Variants in SH3GL3 observed in about 807,000 individuals in gnomAD.
SH3GL3 encodes the protein endophilin-A3.
SH3GL3 carries 33 observed loss-of-function variants against 47.7 expected under a neutral mutation model. The observed-to-expected ratio is 0.69, with a 90% confidence interval of 0.52 to 0.92. SH3GL3 has a LOEUF of 0.92. SH3GL3 is among the 40% of genes least tolerant of loss of function. The pLI is 0.00. For missense variants in SH3GL3, 363 were observed against 417.8 expected (o/e 0.87, Z 1.14); for synonymous variants, 155 against 148.8 (o/e 1.04, Z -0.30).
At chr15:83,584,679 G>A (rs2059914086) in intron 6 of SH3GL3, among the ~76,000 whole-genome samples, 2 of 152,172 alleles carry the variant, frequency 1.3e-5, no homozygotes, top group South Asian at 4.1e-4. Flanking sequence ...TTCAGAAAAG[G>A]GAGTGGATTC....
At chr15:83,525,874 G>A (rs1459626594) in intron 1 of SH3GL3, among the ~76,000 whole-genome samples, 1 of 152,070 alleles carries the variant, frequency 6.6e-6, no homozygotes, top group African/African-American at 2.4e-5. Context: ...GTGTTCTGTT[G>A]GTCTGTGTGA....
intron 1 of SH3GL3, among the ~76,000 whole-genome samples, chr15:83,552,831 GT>G (rs1339578524): frequency 6.6e-6 from 1 of 152,084 alleles, no homozygotes; most frequent in Non-Finnish European, 1.5e-5. Flanking sequence ...GGGTTTATCA[GT>G]TTCACTATTT....
intron 6 of SH3GL3, among the ~76,000 whole-genome samples, chr15:83,583,261 A>G (rs1314716727): frequency 5.9e-5 from 9 of 152,164 alleles, no homozygotes; most frequent in Non-Finnish European, 8.8e-5. Flanking sequence ...CATGGGCTTC[A>G]GGGTGTGCTA....
At chr15:83,577,930 G>A (rs910021879) in intron 6 of SH3GL3, among the ~76,000 whole-genome samples, 1 of 152,202 alleles carries the variant, frequency 6.6e-6, no homozygotes, top group African/African-American at 2.4e-5. Flanking sequence ...GCGGACAGCC[G>A]CTGTCATCCC....
chr15:83,461,805 A>G (rs954942789), intron 1 of SH3GL3, among the ~76,000 whole-genome samples: 11 of 152,310 alleles, frequency 7.2e-5, no homozygotes, highest in African/African-American at 2.6e-4. Flanking sequence ...AAAAAAGTTC[A>G]ATCTGAGATT....
At chr15:83,516,989 A>C (rs1017510481) in intron 1 of SH3GL3, among the ~76,000 whole-genome samples, 1 of 151,922 alleles carries the variant, frequency 6.6e-6, no homozygotes, top group African/African-American at 2.4e-5. Flanking sequence ...TTGTATAACT[A>C]TACCATACTT....
chr15:83,494,380 A>G (rs1465155070), intron 1 of SH3GL3, among the ~76,000 whole-genome samples: 1 of 152,154 alleles, frequency 6.6e-6, no homozygotes, highest in Non-Finnish European at 1.5e-5. Flanking sequence ...CTCTGCACAT[A>G]CATAGGAATT....
intron 1 of SH3GL3, among the ~76,000 whole-genome samples, chr15:83,466,502 G>T (rs1227916310): frequency 6.6e-6 from 1 of 152,030 alleles, no homozygotes; most frequent in Non-Finnish European, 1.5e-5. Context: ...CCCAACTGGA[G>T]ATATATGTAT....
At chr15:83,496,262 G>A (rs751723601) in intron 1 of SH3GL3, among the ~76,000 whole-genome samples, 1 of 151,682 alleles carries the variant, frequency 6.6e-6, no homozygotes, top group African/African-American at 2.4e-5. Context: ...GGGAGGCTGA[G>A]GTGGGAGAAT....
downstream of SH3GL3, among the ~76,000 whole-genome samples, chr15:83,621,012 C>T (rs1255543332): frequency 6.6e-6 from 1 of 152,188 alleles, no homozygotes; most frequent in Non-Finnish European, 1.5e-5. Flanking sequence ...ATGAACCCAC[C>T]CCTGCTAGCC....
chr15:83,505,617 TC>T (rs1172599395), intron 1 of SH3GL3, among the ~76,000 whole-genome samples: 1 of 145,592 alleles, frequency 6.9e-6, no homozygotes, highest in African/African-American at 2.5e-5. Flanking sequence ...AACCTCTACC[TC>T]CTAAGTTCAA....
chr15:83,557,864 T>C (rs1027909671), intron 1 of SH3GL3, among the ~76,000 whole-genome samples: 1 of 152,238 alleles, frequency 6.6e-6, no homozygotes, highest in South Asian at 2.1e-4. Context: ...TCGGAGGAAC[T>C]GTAAAGACGC....
At position 83,476,910 on chromosome 15, in the gene SH3GL3, T is replaced by A. The variant is rs556318011; in HGVS notation, c.45+29332T>A. The stretch of plus-strand genomic sequence containing the variant: ...GATAGAACACTAGAAGCGTTTTGTC[T>A]GAATATGCAGTTTGGTTGTGCATTT... On this transcript the variant is annotated intron_variant, in intron 1 of 8. Transcript: ENST00000427482. Among the ~76,000 whole-genome samples the A allele has an allele frequency of 1.9e-4, 29 of 152,378 alleles. 1 individual carries two copies. In the South Asian group the frequency reaches 4.8e-3, roughly 25 times the overall value.
At position 83,523,033 on chromosome 15, in the gene SH3GL3, A is replaced by G. The variant is rs7163272; in HGVS notation, c.46-36220A>G. ...AGCCAGTTTCTAAAGTAAATTTAAAATGTCTTCAATTATAAAAAATAGATT... is the reference window on the plus strand; with the variant it reads ...AGCCAGTTTCTAAAGTAAATTTAAAGTGTCTTCAATTATAAAAAATAGATT... On this transcript the variant is annotated intron_variant, in intron 1 of 8. Transcript: ENST00000427482. 7.4e-3 allele frequency among the ~76,000 whole-genome samples: 1,135 copies of G among 152,354 alleles called. 11 individuals carry two copies. Among genetic ancestry groups the G allele is most frequent in the African/African-American group, 0.026 (1,070 of 41,584 alleles).
intron 2 of SH3GL3, among the ~76,000 whole-genome samples, chr15:83,563,064 C>T (rs11853873): frequency 0.018 from 2,715 of 152,238 alleles, 88 homozygotes; most frequent in African/African-American, 0.062. Context: ...ATGTATTTAC[C>T]TAAGGGGAAC....
At chr15:83,597,844 G>A (rs1034961538) in intron 8 of SH3GL3, among the ~76,000 whole-genome samples, 3 of 152,090 alleles carry the variant, frequency 2.0e-5, no homozygotes, top group African/African-American at 4.8e-5. Flanking sequence ...TCCTGACCTC[G>A]TGATCTGCCC....
chr15:83,618,078 A>AC lies in SH3GL3; in HGVS notation c.839-3dup, dbSNP rs2060876631. The AC allele has an allele frequency of 6.3e-7, 1 of 1,599,362 alleles. No individual in the cohort carries two copies. The highest frequency in any genetic ancestry group is 8.6e-7 in the Non-Finnish European group (1 of 1,166,550). On this transcript the variant is annotated splice_polypyrimidine_tract_variant and splice_region_variant and intron_variant, in intron 8 of 8. Transcript: ENST00000427482. The stretch of plus-strand genomic sequence containing the variant: ...TACTTTTTGTCTCCATATCATGTGG[A>AC]CAGGTTCTAACATTCCCATGGACCA...
downstream of SH3GL3, among the ~76,000 whole-genome samples, chr15:83,619,731 CTTGATA>C (rs1288177398): frequency 2.0e-5 from 3 of 152,158 alleles, no homozygotes; most frequent in Admixed American, 6.5e-5. Context: ...GCTGGAAGTT[CTTGATA>C]TTGATAGCCA....
At chr15:83,558,482 A>C (rs531414721) in intron 1 of SH3GL3, among the ~76,000 whole-genome samples, 4 of 93,288 alleles carry the variant, frequency 4.3e-5, no homozygotes, top group Non-Finnish European at 8.8e-5. Flanking sequence ...GGTTGTTACA[A>C]CCGTGTGTGT....
Sources: allele counts gnomAD v4.1 joint callset (sites outside exome capture counted in the v4.1 genomes callset), GRCh38; gene constraint gnomAD v4.1.1; transcripts MANE v1.5; gene names NCBI Gene and HGNC (gene_info 2026-07-23, HGNC 2026-07-21).